Variants in HGF observed in about 807,000 individuals in gnomAD.
The protein encoded by HGF is hepatocyte growth factor.
Under a neutral mutation model 111.6 loss-of-function variants are expected in HGF, and 39 were observed. The ratio of observed to expected loss-of-function variants is 0.35; its 90% CI spans 0.27 to 0.46. The LOEUF (loss-of-function observed/expected upper bound fraction) is 0.46, where lower values mean the gene tolerates loss of function less well. Ranked by LOEUF, HGF falls within the 20% of genes least tolerant of loss-of-function variation. The probability of loss-of-function intolerance (pLI) is 1.00; values close to 1 mark genes in which losing one functional copy is unlikely to be tolerated. For missense variants in HGF, 735 were observed against 910.5 expected, an observed-to-expected ratio of 0.81 and a Z score of 2.48; for synonymous variants, 285 against 294.8, an observed-to-expected ratio of 0.97 and a Z score of 0.34.
intron 7 of HGF, among the ~76,000 whole-genome samples, chr7:81,735,367 T>C (rs1038358249): frequency 6.6e-6 from 1 of 152,078 alleles, no homozygotes; most frequent in African/African-American, 2.4e-5. Context: ...GGAAGAGACA[T>C]CCAAGTAAAA....
At chr7:81,726,973 T>A (rs184366305) in intron 8 of HGF, among the ~76,000 whole-genome samples, 1 of 152,062 alleles carries the variant, frequency 6.6e-6, no homozygotes, top group Admixed American at 6.5e-5. Flanking sequence ...TTGTATCACT[T>A]AGGTCCAATT....
rs1749701865 is a variant in HGF, at chr7:81,699,590, A to G, written c.*2991T>C. On this transcript the variant is annotated 3_prime_UTR_variant, in exon 18 of 18. Coordinates refer to ENST00000222390, the MANE Select transcript of HGF (RefSeq NM_000601.6). ...AAATTCTTTACCACATGATCTCTATATTGCAAAACCAGTATTTCTTTTAAA... is the reference window on the plus strand; with the variant it reads ...AAATTCTTTACCACATGATCTCTATGTTGCAAAACCAGTATTTCTTTTAAA... 6.6e-6 allele frequency: 1 copy of G among 151,660 alleles called. No individual in the cohort carries two copies. The highest frequency in any genetic ancestry group is 1.5e-5 in the Non-Finnish European group (1 of 67,682). The allele number at this position is 151,660 out of a possible 1,614,324, so 9.4% of individuals were successfully genotyped here. A position where few individuals can be genotyped will look rare whatever the true frequency, so the allele number is the denominator to read the frequency against.
Position 81,700,518 on chromosome 7 carries a change from AT to A in HGF, c.*2062del, listed in dbSNP as rs1334372799. ...TTAGAGGAAGAGTCATTAAAGAAGT[AT>A]TTTTAAAATGTGAGTATTTAAAATT... On this transcript the variant is annotated 3_prime_UTR_variant, in exon 18 of 18. Coordinates refer to ENST00000222390, the MANE Select transcript of HGF (RefSeq NM_000601.6). 6.6e-6 allele frequency: 1 copy of A among 151,668 alleles called. No homozygotes were observed. The highest frequency in any genetic ancestry group is 1.5e-5 in the Non-Finnish European group (1 of 67,720). The allele number at this position is 151,668 out of a possible 1,614,324, so 9.4% of individuals were successfully genotyped here. A position where few individuals can be genotyped will look rare whatever the true frequency, so the allele number is the denominator to read the frequency against.
In HGF at chr7:81,708,524, C is replaced by CTTTTTTTTTTTT; in HGVS notation, c.1542-1172_1542-1161dup. Among the ~76,000 whole-genome samples the CTTTTTTTTTTTT allele has an allele frequency of 9.8e-4, 71 of 72,484 alleles. 11 individuals are homozygous for CTTTTTTTTTTTT. The highest frequency in any genetic ancestry group is 2.9e-3 in the African/African-American group (51 of 17,510). The allele number at this position is 72,484 out of a possible 152,430, so 47.6% of individuals were successfully genotyped here. A position where few individuals can be genotyped will look rare whatever the true frequency, so the allele number is the denominator to read the frequency against. On this transcript the variant is annotated intron_variant, in intron 13 of 17. Coordinates refer to ENST00000222390, the MANE Select transcript of HGF (RefSeq NM_000601.6). ...TTGAAAGATTTCTCCTTCCTTCCTT[C>CTTTTTTTTTTTT]TTTTTTTTTTTTTTTTTTTTTTTTT...
At chr7:81,726,304 C>T (rs1173217196) in intron 8 of HGF, among the ~76,000 whole-genome samples, 1 of 152,174 alleles carries the variant, frequency 6.6e-6, no homozygotes, top group Admixed American at 6.5e-5. Context: ...CCGCTGCATT[C>T]TTCTCACTCA....
chr7:81,743,082 T>G (rs767324563), intron 7 of HGF: 20 of 851,976 alleles, frequency 2.3e-5, no homozygotes, highest in Non-Finnish European at 3.4e-5. Context: ...TTTTTTAAAT[T>G]TTCTTGATAA....
At chr7:81,753,490 G>A (rs1788603296) in intron 4 of HGF, among the ~76,000 whole-genome samples, 1 of 151,936 alleles carries the variant, frequency 6.6e-6, no homozygotes, top group Admixed American at 6.6e-5. Context: ...CCATTCAAAT[G>A]TGTTTCCTAC....
Position 81,752,167 on chromosome 7 carries a change from T to C in HGF, c.578A>G (p.Asn193Ser), listed in dbSNP as rs148615168. The change falls in exon 5 of 18, where the codon AAT becomes AGT. Residue 193 changes from asparagine (N) to serine (S), a missense_variant. Around this residue, in one of 3 missense-constraint regions of HGF, gnomAD observed 553 missense variants for 685.6 expected, o/e 0.81. Coordinates refer to ENST00000222390, the MANE Select transcript of HGF (RefSeq NM_000601.6). The part of the protein sequence containing the change: ...EEGGPWCFTS[N>S]PEVRYEVCDI... ...ACAGACTTCGTAGCGTACCTCTGGA[T>C]TGCTTGTGAAACACCAGGGTCCCCC... 6.2e-7 allele frequency: 1 copy of C among 1,613,532 alleles called. No homozygotes were observed. The highest frequency in any genetic ancestry group is 1.3e-5 in the African/African-American group (1 of 74,898).
chr7:81,745,177 C>G, intron 5 of HGF, 57 bp from the exon 6 acceptor site: 1 of 1,582,484 alleles, frequency 6.3e-7, no homozygotes, highest in Non-Finnish European at 8.7e-7. Context: ...TCAAAAACAC[C>G]ACTGTTGCAT....
At chr7:81,751,017 T>C in intron 5 of HGF, 1 of 983,780 alleles carries the variant, frequency 1.0e-6, no homozygotes, top group Non-Finnish European at 1.2e-6. Flanking sequence ...GAACTGGCTG[T>C]AGCACATAAA....
chr7:81,753,504 A>G (rs1481720153), intron 4 of HGF, among the ~76,000 whole-genome samples: 2 of 152,022 alleles, frequency 1.3e-5, no homozygotes, highest in East Asian at 1.9e-4. Flanking sequence ...TTCCTACCCA[A>G]TGAAACTTCT....
At position 81,702,528 on chromosome 7, in the gene HGF, C is replaced by A; in HGVS notation, c.*53G>T. 7.2e-7 allele frequency: 1 copy of A among 1,393,416 alleles called. No individual in the cohort carries two copies. The highest frequency in any genetic ancestry group is 1.0e-6 in the Non-Finnish European group (1 of 981,246). 86.3% of individuals were successfully genotyped at this position (1,393,416 alleles called of 1,614,324 possible). On this transcript the variant is annotated 3_prime_UTR_variant, in exon 18 of 18. Coordinates refer to ENST00000222390, the MANE Select transcript of HGF (RefSeq NM_000601.6). ...TTTTAAATTCCACATTCTCTGAAAT[C>A]TTCATGTAAAAGACAGTTGTATTGG...
chr7:81,742,746 T>C (rs747471739), intron 7 of HGF: 492 of 1,480,394 alleles, frequency 3.3e-4, no homozygotes, highest in Non-Finnish European at 4.0e-4. Flanking sequence ...AGGGCCAGCA[T>C]GTAGAAAAAT....
chr7:81,748,823 A>T (rs1788379228), intron 5 of HGF, among the ~76,000 whole-genome samples: 1 of 152,234 alleles, frequency 6.6e-6, no homozygotes, highest in Admixed American at 6.5e-5. Flanking sequence ...CTGTATATGA[A>T]TTAGAAAACA....
At chr7:81,727,049 G>GT (rs35293935) in intron 8 of HGF, among the ~76,000 whole-genome samples, 112,167 of 144,286 alleles carry the variant, frequency 0.78, 43,098 homozygotes, top group Middle Eastern at 0.88. Context: ...TTTTTTTTTT[G>GT]TTTTTTTTTT....
At chr7:81,741,583 C>CTGTGTGTGTG (rs78641495) in intron 7 of HGF, among the ~76,000 whole-genome samples, 154 of 140,652 alleles carry the variant, frequency 1.1e-3, no homozygotes, top group African/African-American at 3.9e-3. Flanking sequence ...GTGTGTGTGT[C>CTGTGTGTGTG]TGTGTGTGTG....
At chr7:81,743,157 T>C (rs1056604672) in intron 7 of HGF, among the ~76,000 whole-genome samples, 196 bp downstream of exon 7, 7 of 152,214 alleles carry the variant, frequency 4.6e-5, no homozygotes, top group African/African-American at 1.7e-4. Flanking sequence ...TATTTGCATA[T>C]TTATCACAGT....
chr7:81,717,270 T>C lies in HGF; in HGVS notation c.1367A>G (p.Asn456Ser). 2 of 1,613,798 alleles carry C rather than the reference T, an allele frequency of 1.2e-6. No individual in the cohort carries two copies. Among genetic ancestry groups the C allele is most frequent in the South Asian group, 2.2e-5 (2 of 91,076 alleles). The change falls in exon 11 of 18, where the codon AAT becomes AGT. Residue 456 changes from asparagine (N) to serine (S), a missense_variant. Coordinates refer to ENST00000222390, the MANE Select transcript of HGF (RefSeq NM_000601.6). ...DAHGPWCYTG[N>S]PLIPWDYCPI... ...GCAATAATCCCAAGGAATGAGTGGA[T>C]TTCCCGTGTAGCACCAGGGTCCATG...
rs1361531151 is a variant in HGF at position 81,699,070 on chromosome 7, T to C, written c.*3511A>G. On this transcript the variant is annotated 3_prime_UTR_variant, in exon 18 of 18. Coordinates refer to ENST00000222390, the MANE Select transcript of HGF (RefSeq NM_000601.6). Reference sequence around the variant, plus strand: ...ATCATGGTTATAAAAATAACAACTTTATTAACTACAGAAAGTTTATAATAC... The same window carrying C: ...ATCATGGTTATAAAAATAACAACTTCATTAACTACAGAAAGTTTATAATAC... 1.3e-5 allele frequency: 2 copies of C among 151,480 alleles called. No homozygotes were observed. The highest frequency in any genetic ancestry group is 3.0e-5 in the Non-Finnish European group (2 of 67,624). 9.4% of individuals were successfully genotyped at this position (151,480 alleles called of 1,614,324 possible).
Sources: allele counts gnomAD v4.1 joint callset (sites outside exome capture counted in the v4.1 genomes callset), GRCh38; gene constraint gnomAD v4.1.1; regional missense constraint gnomAD v4.1.1; transcripts MANE v1.5; gene names NCBI Gene and HGNC (gene_info 2026-07-23, HGNC 2026-07-21).